COG5: variants seen among roughly 807,000 people sequenced by gnomAD.
COG5 encodes the protein component of oligomeric golgi complex 5.
Under a neutral mutation model 110.4 loss-of-function variants are expected in COG5, and 86 were observed. The ratio of observed to expected loss-of-function variants is 0.78; its 90% CI spans 0.65 to 0.93. The LOEUF (loss-of-function observed/expected upper bound fraction) is 0.93. Among genes scored for constraint, COG5 ranks in the 40% least tolerant of loss-of-function variants. The probability of loss-of-function intolerance (pLI) is 0.00; values close to 1 mark genes in which losing one functional copy is unlikely to be tolerated. For synonymous variants in COG5, 360 were observed against 334.6 expected, an observed-to-expected ratio of 1.08 and a Z score of -0.83; for missense variants, 1,077 against 987.0, an observed-to-expected ratio of 1.09 and a Z score of -1.22.
intron 7 of COG5, among the ~76,000 whole-genome samples, chr7:107,406,039 A>AC (rs143193427): frequency 6.6e-6 from 1 of 152,220 alleles, no homozygotes; most frequent in Non-Finnish European, 1.5e-5. Context: ...TGTTACAGCA[A>AC]CCCAAATGGA....
At chr7:107,207,907 T>C (rs1306013314) in intron 21 of COG5, 1 of 985,328 alleles carries the variant, frequency 1.0e-6, no homozygotes, top group Non-Finnish European at 1.2e-6. Context: ...ATTTGCCCTA[T>C]TTTATGACAA....
chr7:107,419,755 A>G (rs577981952), intron 6 of COG5, among the ~76,000 whole-genome samples: 209 of 152,272 alleles, frequency 1.4e-3, no homozygotes, highest in Non-Finnish European at 2.7e-3. Context: ...TTTTGTAGAG[A>G]CAGGGTTTCA....
intron 10 of COG5, among the ~76,000 whole-genome samples, chr7:107,337,573 C>T (rs1810810320): frequency 6.6e-6 from 1 of 150,522 alleles, no homozygotes; most frequent in African/African-American, 2.5e-5. Flanking sequence ...TCATATATGG[C>T]ATATATGGGA....
At chr7:107,446,303 T>C (rs1289391192) in intron 6 of COG5, among the ~76,000 whole-genome samples, 1 of 152,202 alleles carries the variant, frequency 6.6e-6, no homozygotes, top group East Asian at 1.9e-4. Context: ...CAATTTTGAA[T>C]GAATAACTGG....
At chr7:107,208,870 G>A in intron 21 of COG5, 2 of 985,428 alleles carry the variant, frequency 2.0e-6, no homozygotes, top group African/African-American at 1.7e-5. Context: ...ACCTGTCATA[G>A]CTTCCTCAGC....
chr7:107,364,366 C>T (rs778388248), intron 8 of COG5, among the ~76,000 whole-genome samples: 1 of 152,164 alleles, frequency 6.6e-6, no homozygotes, highest in African/African-American at 2.4e-5. Flanking sequence ...TGATTGGTTT[C>T]ATTGGTTTCA....
intron 5 of COG5, among the ~76,000 whole-genome samples, chr7:107,532,944 G>C (rs1049853590): frequency 6.6e-5 from 10 of 151,986 alleles, no homozygotes; most frequent in African/African-American, 2.4e-4. Context: ...TTTAATACTA[G>C]TTCTCATGCT....
At chr7:107,392,247 A>C (rs1487718079) in intron 7 of COG5, among the ~76,000 whole-genome samples, 1 of 152,200 alleles carries the variant, frequency 6.6e-6, no homozygotes, top group Non-Finnish European at 1.5e-5. Flanking sequence ...ACTAATGATG[A>C]AAATTATGGT....
At chr7:107,271,396 C>T (rs1562943917) in intron 14 of COG5, among the ~76,000 whole-genome samples, 1 of 152,108 alleles carries the variant, frequency 6.6e-6, no homozygotes, top group Non-Finnish European at 1.5e-5. Flanking sequence ...CCTTATAATA[C>T]TGAGTCATCT....
At chr7:107,402,307 T>C (rs957504963) in intron 7 of COG5, among the ~76,000 whole-genome samples, 9 of 152,174 alleles carry the variant, frequency 5.9e-5, no homozygotes, top group African/African-American at 2.2e-4. Flanking sequence ...GGGTCGAGAT[T>C]ATAGCCAGGT....
chr7:107,453,397 G>C (rs1167993494), intron 6 of COG5, among the ~76,000 whole-genome samples: 2 of 152,048 alleles, frequency 1.3e-5, no homozygotes, highest in African/African-American at 4.8e-5. Context: ...GATGAAATTG[G>C]GTAAGTAAGC....
At chr7:107,449,611 A>G (rs1584838532) in intron 6 of COG5, among the ~76,000 whole-genome samples, 1 of 152,182 alleles carries the variant, frequency 6.6e-6, no homozygotes, top group African/African-American at 2.4e-5. Context: ...CATAGGACCC[A>G]TATGAAGTGC....
intron 11 of COG5, among the ~76,000 whole-genome samples, chr7:107,316,705 G>A (rs1170695923): frequency 6.6e-6 from 1 of 150,868 alleles, no homozygotes; most frequent in Non-Finnish European, 1.5e-5. Context: ...GGTGGCGGGC[G>A]GCTATAGTCC....
intron 6 of COG5, among the ~76,000 whole-genome samples, chr7:107,497,450 C>T (rs964768346): frequency 1.3e-5 from 2 of 152,196 alleles, no homozygotes; most frequent in Non-Finnish European, 2.9e-5. Flanking sequence ...AGTAAAGTTG[C>T]AGAATACAAA....
intron 5 of COG5, among the ~76,000 whole-genome samples, chr7:107,546,113 T>C (rs967310203): frequency 5.4e-4 from 82 of 152,206 alleles, no homozygotes; most frequent in Non-Finnish European, 1.2e-4. Flanking sequence ...ATAAACAACA[T>C]GCTTATGAGC....
At chr7:107,288,981 T>C (rs1013068617) in intron 12 of COG5, among the ~76,000 whole-genome samples, 8 of 140,568 alleles carry the variant, frequency 5.7e-5, no homozygotes, top group African/African-American at 1.8e-4. Context: ...TTTATCTATA[T>C]TTTTAATTTT....
intron 6 of COG5, among the ~76,000 whole-genome samples, chr7:107,526,001 G>A (rs1800702629): frequency 6.6e-6 from 1 of 152,162 alleles, no homozygotes; most frequent in South Asian, 2.1e-4. Context: ...TTGCAATGCT[G>A]TTGAAGCATT....
At chr7:107,215,528 G>A (rs973035397) in intron 19 of COG5, among the ~76,000 whole-genome samples, 1 of 151,776 alleles carries the variant, frequency 6.6e-6, no homozygotes, top group Admixed American at 6.6e-5. Context: ...GCTGGGTGTG[G>A]TGGCGGGCAC....
chr7:107,548,399 A>T, intron 3 of COG5, 67 bp from the exon 4 acceptor site: 1 of 1,422,930 alleles, frequency 7.0e-7, no homozygotes, highest in Non-Finnish European at 9.9e-7. Flanking sequence ...AAATAGTTAA[A>T]TTAAAAGAAA....
Sources: gnomAD v4.1 joint callset for allele counts (sites outside exome capture counted in the v4.1 genomes callset) on GRCh38, gnomAD v4.1.1 for gene constraint, MANE v1.5 for transcripts, NCBI Gene and HGNC (gene_info 2026-07-23, HGNC 2026-07-21) for gene names.